CACUL1: variants seen among roughly 807,000 people sequenced by gnomAD.
The protein encoded by CACUL1 is CDK2 associated cullin domain 1.
In CACUL1, 13 loss-of-function variants were observed where a neutral mutation model predicts 45.2. That is an observed-to-expected ratio of 0.29 (90% CI 0.19 to 0.46). The LOEUF is 0.46. Ranked by LOEUF, CACUL1 falls within the 20% of genes least tolerant of loss-of-function variation. The probability of loss-of-function intolerance (pLI) is 1.00; values close to 1 mark genes in which losing one functional copy is unlikely to be tolerated. For synonymous variants in CACUL1, 197 were observed against 174.2 expected (o/e 1.13, Z -1.03); for missense variants, 421 against 471.4 (o/e 0.89, Z 0.99).
chr10:118,752,730 T>A (rs1196875276), intron 1 of CACUL1, among the ~76,000 whole-genome samples: 1 of 152,236 alleles, frequency 6.6e-6, no homozygotes, highest in Non-Finnish European at 1.5e-5. Context: ...CATCAGCGTA[T>A]CTGGATGCAG....
At chr10:118,712,302 G>C (rs1240239235) in intron 3 of CACUL1, among the ~76,000 whole-genome samples, 3 of 152,206 alleles carry the variant, frequency 2.0e-5, no homozygotes, top group Admixed American at 1.3e-4. Context: ...GTACGTGGTG[G>C]TGCCTGGAAG....
chr10:118,754,892 G>A lies in CACUL1; in HGVS notation c.-130C>T, dbSNP rs1845942538. 2.3e-6 allele frequency: 3 copies of A among 1,280,918 alleles called. No individual in the cohort carries two copies. The highest frequency in any genetic ancestry group is 1.5e-5 in the South Asian group (1 of 65,564). The allele number at this position is 1,280,918 out of a possible 1,614,324, so 79.3% of individuals were successfully genotyped here. ...GAATGGGCGCAGCGGAGAGGGCTGCGGTGCGCAGGGTCTCTCGCTCTCCGC... is the reference window on the plus strand; with the variant it reads ...GAATGGGCGCAGCGGAGAGGGCTGCAGTGCGCAGGGTCTCTCGCTCTCCGC... On this transcript the variant is annotated 5_prime_UTR_variant, in exon 1 of 9. Coordinates refer to ENST00000369151, the MANE Select transcript of CACUL1 (RefSeq NM_153810.5).
chr10:118,741,904 C>A (rs568600405), intron 1 of CACUL1, among the ~76,000 whole-genome samples: 20 of 152,284 alleles, frequency 1.3e-4, no homozygotes, highest in African/African-American at 4.8e-4. Flanking sequence ...AATTTCAATT[C>A]TGGGTCTTTG....
Position 118,752,252 on chromosome 10 carries a change from T to C in CACUL1, c.367+2144A>G, listed in dbSNP as rs142407496. Among the ~76,000 whole-genome samples the C allele has an allele frequency of 3.2e-4, 49 of 152,294 alleles. 1 individual carries two copies. The East Asian group carries it at 9.2e-3, about 29-fold the overall frequency. The stretch of plus-strand genomic sequence containing the variant: ...TTATCTTGTTACGGATCTTAAAGTA[T>C]ATGTATCTAAAATTTCTCCATTAAG... On this transcript the variant is annotated intron_variant, in intron 1 of 8. Transcript: ENST00000369151.
chr10:118,707,353 C>CA, intron 4 of CACUL1, 139 bp downstream of exon 4: 2 of 493,286 alleles, frequency 4.1e-6, no homozygotes, highest in East Asian at 6.6e-5. Flanking sequence ...AACTATCGCA[C>CA]ATTACTGAAA....
intron 1 of CACUL1, among the ~76,000 whole-genome samples, chr10:118,740,926 A>C (rs1357958813): frequency 1.4e-5 from 2 of 144,218 alleles, no homozygotes; most frequent in African/African-American, 2.5e-5. Flanking sequence ...ATTCCATCTC[A>C]AAAAAAAAAA....
At chr10:118,719,812 A>C (rs74951676) in intron 3 of CACUL1, among the ~76,000 whole-genome samples, 1 of 142,486 alleles carries the variant, frequency 7.0e-6, no homozygotes, top group Non-Finnish European at 1.6e-5. Flanking sequence ...ATTCCGTCTC[A>C]AAAAAAAAAA....
intron 1 of CACUL1, among the ~76,000 whole-genome samples, chr10:118,753,587 A>G (rs529436303): frequency 6.6e-5 from 10 of 152,374 alleles, no homozygotes; most frequent in African/African-American, 2.2e-4. Context: ...GGAAGCATAC[A>G]TATATCCTGG....
rs757274592 is a variant in CACUL1 at position 118,691,416 on chromosome 10, G to A, written c.887-13C>T. ...ATCTGAACCCACTCTGTGAGGAAAGGAAACAATTCATTAAGGAAATCATAT... is the reference window on the plus strand; with the variant it reads ...ATCTGAACCCACTCTGTGAGGAAAGAAAACAATTCATTAAGGAAATCATAT... On this transcript the variant is annotated splice_polypyrimidine_tract_variant and intron_variant, in intron 6 of 8. Coordinates refer to ENST00000369151, the MANE Select transcript of CACUL1 (RefSeq NM_153810.5). 2 of 1,603,800 alleles carry A rather than the reference G, an allele frequency of 1.2e-6. No individual in the cohort carries two copies. Among genetic ancestry groups the A allele is most frequent in the African/African-American group, 1.3e-5 (1 of 74,434 alleles).
intron 3 of CACUL1, among the ~76,000 whole-genome samples, chr10:118,711,431 G>A (rs1386174782): frequency 6.6e-6 from 1 of 152,152 alleles, no homozygotes; most frequent in African/African-American, 2.4e-5. Flanking sequence ...TGGTGAAAAT[G>A]GTTCCATGTT....
At position 118,752,164 on chromosome 10, in the gene CACUL1, C is replaced by T. The variant is rs143979601; in HGVS notation, c.367+2232G>A. Among the ~76,000 whole-genome samples, 461 of 152,070 alleles carry T rather than the reference C, an allele frequency of 3.0e-3. 3 individuals carry two copies. Among genetic ancestry groups the T allele is most frequent in the African/African-American group, 0.011 (443 of 41,508 alleles). On this transcript the variant is annotated intron_variant, in intron 1 of 8. Transcript: ENST00000369151. ...ACAATCTTTATACCTTATTTTTTTG[C>T]TCCTTATAATGTTAGCCAGGACCTT...
chr10:118,714,052 C>G (rs1845518655), intron 3 of CACUL1, among the ~76,000 whole-genome samples: 1 of 152,124 alleles, frequency 6.6e-6, no homozygotes, highest in South Asian at 2.1e-4. Context: ...TAACTATTTA[C>G]CAAAACAAAA....
chr10:118,704,529 T>G (rs953053854), intron 4 of CACUL1, among the ~76,000 whole-genome samples: 7 of 152,244 alleles, frequency 4.6e-5, no homozygotes, highest in African/African-American at 1.7e-4. Flanking sequence ...AGGCAAATCC[T>G]TGGGCAGGAC....
At position 118,681,126 on chromosome 10, in the gene CACUL1, G is replaced by A. The variant is rs375692162; in HGVS notation, c.*5002C>T. ...GGCTTTGTATCCCAGGTCAATAGGAGTTTCATCCGCCATTTTGTTTTTCTT... is the reference window on the plus strand; with the variant it reads ...GGCTTTGTATCCCAGGTCAATAGGAATTTCATCCGCCATTTTGTTTTTCTT... On this transcript the variant is annotated 3_prime_UTR_variant, in exon 9 of 9. Transcript: ENST00000369151. The A allele has an allele frequency of 5.9e-5, 9 of 152,350 alleles. No homozygotes were observed. The highest frequency in any genetic ancestry group is 2.2e-4 in the African/African-American group (9 of 41,582). The allele number at this position is 152,350 out of a possible 1,614,324, so 9.4% of individuals were successfully genotyped here. A position where few individuals can be genotyped will look rare whatever the true frequency, so the allele number is the denominator to read the frequency against.
intron 3 of CACUL1, among the ~76,000 whole-genome samples, chr10:118,718,865 G>A (rs958960411): frequency 3.3e-5 from 5 of 152,300 alleles, no homozygotes; most frequent in East Asian, 1.9e-4. Flanking sequence ...GAGCCACCGC[G>A]CCCGGCCAAG....
At chr10:118,698,264 C>T (rs373215115) in intron 5 of CACUL1, among the ~76,000 whole-genome samples, 28 of 152,036 alleles carry the variant, frequency 1.8e-4, no homozygotes, top group African/African-American at 2.4e-4. Flanking sequence ...CTGCCTCAGC[C>T]TCCCAAGTAG....
chr10:118,735,980 A>G (rs1437582507), intron 1 of CACUL1, among the ~76,000 whole-genome samples: 2 of 152,150 alleles, frequency 1.3e-5, no homozygotes, highest in Non-Finnish European at 2.9e-5. Flanking sequence ...AAGAAAAATG[A>G]TGACTTTTTG....
chr10:118,717,937 C>T (rs1387589242), intron 3 of CACUL1, among the ~76,000 whole-genome samples: 1 of 150,576 alleles, frequency 6.6e-6, no homozygotes, highest in Non-Finnish European at 1.5e-5. Flanking sequence ...ATGAACACAT[C>T]ATGGGGTCCT....
At chr10:118,716,305 ATT>A (rs143046882) in intron 3 of CACUL1, among the ~76,000 whole-genome samples, 35,815 of 145,008 alleles carry the variant, frequency 0.25, 5,395 homozygotes, top group South Asian at 0.37. Flanking sequence ...CCATTTTGGT[ATT>A]TTTTTTTTTT....
Sources: gnomAD v4.1 joint callset for allele counts (sites outside exome capture counted in the v4.1 genomes callset) on GRCh38, gnomAD v4.1.1 for gene constraint, MANE v1.5 for transcripts, NCBI Gene and HGNC (gene_info 2026-07-23, HGNC 2026-07-21) for gene names.